Variants in CNBD1 observed in about 807,000 individuals in gnomAD.
CNBD1 encodes the protein cyclic nucleotide-binding domain-containing protein 1.
CNBD1 carries 71 observed loss-of-function variants against 54.4 expected under a neutral mutation model. The observed-to-expected ratio is 1.30, with a 90% CI of 1.08 to 1.59. The LOEUF (loss-of-function observed/expected upper bound fraction) is 1.59. CNBD1 is among the 40% of genes most tolerant of loss of function. CNBD1 has a pLI of 0.00. For missense variants in CNBD1, 659 were observed against 518.0 expected (o/e 1.27, Z -2.64); for synonymous variants, 182 against 170.7 (o/e 1.07, Z -0.51).
At chr8:87,048,247 T>C (rs998750722) in intron 4 of CNBD1, among the ~76,000 whole-genome samples, 9 of 151,828 alleles carry the variant, frequency 5.9e-5, no homozygotes, top group African/African-American at 2.2e-4. Flanking sequence ...TTTTCATTCC[T>C]ATTGGAAGTG....
intron 6 of CNBD1, among the ~76,000 whole-genome samples, chr8:87,251,064 T>G (rs1345569823): frequency 6.6e-6 from 1 of 152,138 alleles, no homozygotes; most frequent in Non-Finnish European, 1.5e-5. Flanking sequence ...GTACATTGTA[T>G]TCCTATATCA....
At chr8:87,411,658 ATT>A (rs71277944) in intron 2 of CNBD1, among the ~76,000 whole-genome samples, 2,735 of 144,202 alleles carry the variant, frequency 0.019, 83 homozygotes, top group African/African-American at 0.062. Flanking sequence ...GCTTTTTTAG[ATT>A]TTTTTTTTTT....
intron 6 of CNBD1, among the ~76,000 whole-genome samples, chr8:87,248,416 G>A (rs532431264): frequency 5.3e-5 from 8 of 152,344 alleles, no homozygotes; most frequent in Non-Finnish European, 1.5e-5. Context: ...AATGCAGTTA[G>A]CCACTAAGAA....
At chr8:87,226,753 G>C (rs930241500) in intron 5 of CNBD1, among the ~76,000 whole-genome samples, 1 of 151,796 alleles carries the variant, frequency 6.6e-6, no homozygotes. Context: ...ATGTCTATTA[G>C]GTCCGCTTGG....
intron 2 of CNBD1, among the ~76,000 whole-genome samples, chr8:87,426,064 G>T (rs1808042596): frequency 6.6e-6 from 1 of 152,200 alleles, no homozygotes; most frequent in South Asian, 2.1e-4. Flanking sequence ...GTATTTGGGT[G>T]GGAGTGAACG....
chr8:86,912,663 A>G (rs1388328501), intron 3 of CNBD1, among the ~76,000 whole-genome samples: 2 of 152,208 alleles, frequency 1.3e-5, no homozygotes, highest in African/African-American at 4.8e-5. Context: ...TGTATTTACT[A>G]TAACTTTTAT....
At chr8:87,360,127 C>T (rs1054596549) in intron 10 of CNBD1, among the ~76,000 whole-genome samples, 3 of 151,832 alleles carry the variant, frequency 2.0e-5, no homozygotes, top group African/African-American at 7.2e-5. Flanking sequence ...TTGGTAAATA[C>T]CCAAAGAGAG....
At chr8:87,315,992 T>G (rs1479614679) in intron 8 of CNBD1, among the ~76,000 whole-genome samples, 1 of 152,036 alleles carries the variant, frequency 6.6e-6, no homozygotes, top group Non-Finnish European at 1.5e-5. Context: ...AATTATTGTG[T>G]ATTAATAAAA....
At chr8:87,397,596 C>T (rs1306648147) in intron 2 of CNBD1, among the ~76,000 whole-genome samples, 1 of 151,888 alleles carries the variant, frequency 6.6e-6, no homozygotes, top group Non-Finnish European at 1.5e-5. Flanking sequence ...TTTTAATTCA[C>T]AGTATTCAGA....
chr8:86,973,743 A>G (rs2130495339), intron 4 of CNBD1, among the ~76,000 whole-genome samples: 1 of 152,298 alleles, frequency 6.6e-6, no homozygotes, highest in East Asian at 1.9e-4. Context: ...TAAACCAGAC[A>G]GGGATTAACA....
chr8:87,255,617 A>C (rs1807994531), intron 6 of CNBD1, among the ~76,000 whole-genome samples: 1 of 151,788 alleles, frequency 6.6e-6, no homozygotes, highest in Admixed American at 6.6e-5. Context: ...CATTTAATAC[A>C]AATCTTTTCC....
chr8:87,241,246 C>T (rs946242578), intron 6 of CNBD1, among the ~76,000 whole-genome samples: 1 of 146,416 alleles, frequency 6.8e-6, no homozygotes, highest in African/African-American at 2.6e-5. Context: ...TAGCATTGGG[C>T]ACAAAAATCT....
chr8:87,386,018 G>C (rs558939261), downstream of CNBD1, among the ~76,000 whole-genome samples: 1 of 152,108 alleles, frequency 6.6e-6, no homozygotes, highest in African/African-American at 2.4e-5. Flanking sequence ...GTCTGGAGTG[G>C]ACCTCCAGCA....
At chr8:87,282,053 A>G (rs1258377051) in intron 6 of CNBD1, among the ~76,000 whole-genome samples, 2 of 151,696 alleles carry the variant, frequency 1.3e-5, no homozygotes, top group South Asian at 2.1e-4. Context: ...TATTTGAGGT[A>G]TTATTCTTTA....
At chr8:86,876,177 GTGTGTT>G (rs1808517674) in intron 1 of CNBD1, among the ~76,000 whole-genome samples, 3 of 55,164 alleles carry the variant, frequency 5.4e-5, no homozygotes, top group South Asian at 7.0e-4. Flanking sequence ...ACCTGTGTGT[GTGTGTT>G]TGTGTGTGTG....
chr8:87,099,034 C>CAAAA (rs11402011), intron 4 of CNBD1, among the ~76,000 whole-genome samples: 11 of 23,044 alleles, frequency 4.8e-4, no homozygotes, highest in South Asian at 2.3e-3. Context: ...GACTGTGTCT[C>CAAAA]AAAAAAAAAA....
At chr8:87,019,598 C>T (rs576315087) in intron 4 of CNBD1, among the ~76,000 whole-genome samples, 2 of 152,274 alleles carry the variant, frequency 1.3e-5, no homozygotes, top group African/African-American at 4.8e-5. Flanking sequence ...TTAAATTTGG[C>T]TGGGTGCGGT....
intron 2 of CNBD1, among the ~76,000 whole-genome samples, chr8:87,427,808 G>A (rs368797402): frequency 1.3e-5 from 2 of 151,946 alleles, no homozygotes; most frequent in African/African-American, 2.4e-5. Flanking sequence ...GTAGTCCTTG[G>A]TTTTGTTTTT....
chr8:87,270,132 C>T (rs1231898382), intron 6 of CNBD1, among the ~76,000 whole-genome samples: 4 of 151,850 alleles, frequency 2.6e-5, no homozygotes, highest in African/African-American at 9.7e-5. Context: ...TGTGATTTGC[C>T]ACATAAATAG....
Sources: gnomAD v4.1 joint callset for allele counts (sites outside exome capture counted in the v4.1 genomes callset) on GRCh38, gnomAD v4.1.1 for gene constraint, MANE v1.5 for transcripts, NCBI Gene and HGNC (gene_info 2026-07-23, HGNC 2026-07-21) for gene names.